SPAG1: variants seen among roughly 807,000 people sequenced by gnomAD.
SPAG1 encodes sperm associated antigen 1, also known as sperm-associated antigen 1.
SPAG1 carries 69 observed loss-of-function variants against 100.5 expected under a neutral mutation model. The ratio of observed to expected loss-of-function variants is 0.69; its 90% confidence interval spans 0.57 to 0.84. The LOEUF (loss-of-function observed/expected upper bound fraction) is 0.84. SPAG1 is among the 40% of genes least tolerant of loss of function. The pLI is 0.00. For missense variants in SPAG1, 955 were observed against 1,133.1 expected (o/e 0.84, Z 2.26); for synonymous variants, 336 against 411.6 (o/e 0.82, Z 2.22).
chr8:100,202,475 C>A (rs1193509303), intron 10 of SPAG1, among the ~76,000 whole-genome samples: 1 of 151,604 alleles, frequency 6.6e-6, no homozygotes, highest in Non-Finnish European at 1.5e-5. Context: ...CTTTGGGAGG[C>A]CGAGGCGGGC....
intron 4 of SPAG1, among the ~76,000 whole-genome samples, chr8:100,180,103 G>C (rs552832082): frequency 6.6e-6 from 1 of 152,184 alleles, no homozygotes; most frequent in Non-Finnish European, 1.5e-5. Context: ...AGGCCAAGGC[G>C]GGTGGATCAC....
intron 14 of SPAG1, among the ~76,000 whole-genome samples, chr8:100,227,058 T>C (rs1480212134): frequency 6.6e-6 from 1 of 152,252 alleles, no homozygotes; most frequent in African/African-American, 2.4e-5. Context: ...CCATACAGCC[T>C]GGATATATGG....
intron 10 of SPAG1, among the ~76,000 whole-genome samples, chr8:100,211,629 C>T (rs1817720101): frequency 6.6e-6 from 1 of 152,134 alleles, no homozygotes; most frequent in African/African-American, 2.4e-5. Context: ...TGCACTCCAC[C>T]CTGGGCAATA....
intron 10 of SPAG1, 103 bp from the exon 11 acceptor site, chr8:100,212,987 A>C: frequency 2.1e-6 from 2 of 946,506 alleles, no homozygotes; most frequent in East Asian, 3.6e-5. Flanking sequence ...CGGCTTCCCT[A>C]GAGCCCGCCC....
intron 3 of SPAG1, among the ~76,000 whole-genome samples, chr8:100,167,139 G>A (rs1324022575): frequency 6.6e-6 from 1 of 151,932 alleles, no homozygotes; most frequent in South Asian, 2.1e-4. Context: ...ACAATACAGA[G>A]AGACCTGGTT....
intron 7 of SPAG1, among the ~76,000 whole-genome samples, chr8:100,186,717 C>T (rs539115447): frequency 2.0e-5 from 3 of 152,178 alleles, no homozygotes; most frequent in Non-Finnish European, 2.9e-5. Context: ...TCTTTTCTCA[C>T]ACTTCTGGAG....
intron 10 of SPAG1, among the ~76,000 whole-genome samples, chr8:100,210,820 C>A (rs1299365055): frequency 6.6e-6 from 1 of 151,816 alleles, no homozygotes; most frequent in Non-Finnish European, 1.5e-5. Flanking sequence ...CTTGCCAGTT[C>A]CACACCCAAA....
At chr8:100,232,074 A>G (rs1051741284) in intron 15 of SPAG1, among the ~76,000 whole-genome samples, 1 of 152,196 alleles carries the variant, frequency 6.6e-6, no homozygotes, top group Non-Finnish European at 1.5e-5. Flanking sequence ...ATTGTTGCTC[A>G]GGTACCGTCT....
At chr8:100,178,169 T>G (rs1816211891) in intron 4 of SPAG1, among the ~76,000 whole-genome samples, 1 of 152,222 alleles carries the variant, frequency 6.6e-6, no homozygotes, top group South Asian at 2.1e-4. Flanking sequence ...TCCTGCATCT[T>G]GGGCTTATTT....
chr8:100,194,229 A>G lies in SPAG1; in HGVS notation c.1057A>G (p.Lys353Glu), dbSNP rs556774863. 1.2e-4 allele frequency: 195 copies of G among 1,603,546 alleles called. 1 individual carries two copies. The East Asian group carries it at 3.1e-3, about 25-fold the overall frequency. Residue 353 changes from lysine (K) to glutamate (E), a missense_variant, in exon 10 of 19, where the codon AAA (lysine) becomes GAA (glutamate). Lys to Glu is a moderately conservative substitution (Grantham distance 56). Coordinates refer to ENST00000388798, the MANE Select transcript of SPAG1 (RefSeq NM_003114.5). The part of the protein sequence containing the change: ...EIENSEDEEG[K>E]SGRKHEDGGG... ...AGAAAACTCCGAAGATGAAGAAGGA[A>G]AAAGCGGAAGAAAACATGAAGATGG...
At chr8:100,231,819 A>G (rs1246053366) in intron 15 of SPAG1, among the ~76,000 whole-genome samples, 1 of 152,100 alleles carries the variant, frequency 6.6e-6, no homozygotes, top group Non-Finnish European at 1.5e-5. Flanking sequence ...AAAATTAGCC[A>G]GGCGCAGCGG....
chr8:100,239,743 AT>A lies in SPAG1; in HGVS notation c.2280+343del, dbSNP rs2132444310. On this transcript the variant is annotated intron_variant, in intron 17 of 18. Transcript: ENST00000388798. The surrounding 1 kb of genome is among the most constrained non-coding windows in gnomAD (Gnocchi z 5.0). ...GACCTGGAGAATCCTGACGGGACTG[AT>A]TTTGTTACAGGGGCCCTGAAAGCCT... Among the ~76,000 whole-genome samples the A allele has an allele frequency of 6.6e-6, 1 of 152,308 alleles. No homozygotes were observed. Among genetic ancestry groups the A allele is most frequent in the South Asian group, 2.1e-4 (1 of 4,826 alleles).
chr8:100,233,167 G>C (rs958113067), intron 15 of SPAG1: 7 of 406,772 alleles, frequency 1.7e-5, no homozygotes, highest in African/African-American at 1.2e-4. Flanking sequence ...ATTTTATTGT[G>C]TTTGCTTGTT....
At chr8:100,167,135 CAG>C (rs762528773) in intron 3 of SPAG1, among the ~76,000 whole-genome samples, 15 of 152,028 alleles carry the variant, frequency 9.9e-5, no homozygotes, top group Non-Finnish European at 1.6e-4. Flanking sequence ...CTAGACAATA[CAG>C]AGAGACCTGG....
intron 10 of SPAG1, among the ~76,000 whole-genome samples, chr8:100,202,579 G>A (rs1016237545): frequency 2.0e-5 from 3 of 150,144 alleles, no homozygotes; most frequent in Admixed American, 6.6e-5. Context: ...GCGTGGTAGC[G>A]GGCGCCTGTA....
At chr8:100,165,163 C>A (rs1815492007) in intron 2 of SPAG1, 4 of 420,658 alleles carry the variant, frequency 9.5e-6, no homozygotes, top group Admixed American at 6.1e-5. Flanking sequence ...AATTTTACAG[C>A]AACAAAAAAT....
intron 4 of SPAG1, among the ~76,000 whole-genome samples, chr8:100,179,584 A>C (rs1816278053): frequency 6.6e-6 from 1 of 152,202 alleles, no homozygotes. Flanking sequence ...TTTGAAAATA[A>C]TACTAATGCT....
intron 16 of SPAG1, among the ~76,000 whole-genome samples, chr8:100,238,191 G>C (rs987862405): frequency 6.6e-6 from 1 of 152,048 alleles, no homozygotes; most frequent in African/African-American, 2.4e-5. Context: ...TTTTTCCCCC[G>C]GTAAGGTTCC....
intron 12 of SPAG1, among the ~76,000 whole-genome samples, chr8:100,216,730 T>C (rs1818004536): frequency 6.6e-6 from 1 of 152,098 alleles, no homozygotes; most frequent in Non-Finnish European, 1.5e-5. Context: ...CAGCAGGGGG[T>C]GATTTTACAC....
Sources: gnomAD v4.1 joint callset for allele counts (sites outside exome capture counted in the v4.1 genomes callset) on GRCh38, gnomAD v4.1.1 for gene constraint, Gnocchi (gnomAD v3.1) non-coding constraint, MANE v1.5 for transcripts, NCBI Gene and HGNC (gene_info 2026-07-23, HGNC 2026-07-21) for gene names.